The following DRC11 variants were observed in gnomAD, a reference collection of about 807,000 sequenced individuals.
DRC11 encodes IQ and AAA domain-containing protein 1.
At chr2:236,428,699 T>C in the DRC11 span, among the ~76,000 whole-genome samples, 2 of 152,240 alleles carry the variant, frequency 1.3e-5, no homozygotes, top group African/African-American at 4.8e-5. Context: ...AGCCATGCTA[T>C]GTCTTTTGAT....
the DRC11 span, among the ~76,000 whole-genome samples, chr2:236,312,295 T>C: frequency 2.6e-5 from 4 of 152,190 alleles, no homozygotes; most frequent in Non-Finnish European, 4.4e-5. Context: ...CAAGCCTCCA[T>C]TTTAGAATTG....
chr2:236,499,231 T>A, the DRC11 span, among the ~76,000 whole-genome samples: 2 of 152,272 alleles, frequency 1.3e-5, no homozygotes, highest in Middle Eastern at 3.4e-3. The surrounding 1 kb of genome is among the most constrained non-coding windows in gnomAD (Gnocchi z 4.7). Flanking sequence ...TACAAGTGAT[T>A]GGCGGCCTAA....
chr2:236,389,925 A>T, the DRC11 span, among the ~76,000 whole-genome samples: 1 of 152,172 alleles, frequency 6.6e-6, no homozygotes, highest in Admixed American at 6.6e-5. Flanking sequence ...ATCCTGGAGA[A>T]TGTTCCATGC....
chr2:236,451,416 T>C, the DRC11 span, among the ~76,000 whole-genome samples: 1 of 152,046 alleles, frequency 6.6e-6, no homozygotes, highest in East Asian at 1.9e-4. Flanking sequence ...AAAAAATACT[T>C]GGTTTTTCAT....
chr2:236,470,304 C>T, the DRC11 span, among the ~76,000 whole-genome samples: 1 of 152,182 alleles, frequency 6.6e-6, no homozygotes, highest in African/African-American at 2.4e-5. The surrounding 1 kb of genome is among the most constrained non-coding windows in gnomAD (Gnocchi z 5.1). Context: ...GGAGTGTGCT[C>T]TTCGTGGCGC....
At chr2:236,497,158 C>T in the DRC11 span, 1 of 1,600,310 alleles carries the variant, frequency 6.2e-7, no homozygotes, top group Non-Finnish European at 8.5e-7. This position sits in a 1 kb window ranked among gnomAD's most constrained non-coding sequence, Gnocchi z 5.1. Context: ...CAACAGAGTG[C>T]TTACGGGGGC....
the DRC11 span, among the ~76,000 whole-genome samples, chr2:236,318,419 G>C: frequency 6.6e-6 from 1 of 152,114 alleles, no homozygotes; most frequent in Non-Finnish European, 1.5e-5. The surrounding 1 kb of genome is among the most constrained non-coding windows in gnomAD (Gnocchi z 7.0). Context: ...GCATGCCTAC[G>C]TGTGCATGCC....
the DRC11 span, among the ~76,000 whole-genome samples, chr2:236,476,752 A>T: frequency 6.6e-6 from 1 of 151,598 alleles, no homozygotes; most frequent in Non-Finnish European, 1.5e-5. This position sits in a 1 kb window ranked among gnomAD's most constrained non-coding sequence, Gnocchi z 4.7. Context: ...ATTTTTTTTA[A>T]ATTGTAATTT....
the DRC11 span, among the ~76,000 whole-genome samples, chr2:236,425,346 G>C: frequency 6.6e-6 from 1 of 151,942 alleles, no homozygotes; most frequent in African/African-American, 2.4e-5. Flanking sequence ...TTTGATAACA[G>C]CCATCCTAAG....
the DRC11 span, among the ~76,000 whole-genome samples, chr2:236,455,704 G>T: frequency 1.3e-5 from 2 of 152,138 alleles, no homozygotes; most frequent in Non-Finnish European, 2.9e-5. The surrounding 1 kb of genome is among the most constrained non-coding windows in gnomAD (Gnocchi z 5.7). Flanking sequence ...AGCTGAACTC[G>T]CAGAACTGTA....
the DRC11 span, among the ~76,000 whole-genome samples, chr2:236,478,323 GTTGT>G: frequency 4.2e-3 from 645 of 152,244 alleles, 2 homozygotes; most frequent in South Asian, 9.5e-3. This position sits in a 1 kb window ranked among gnomAD's most constrained non-coding sequence, Gnocchi z 5.9. Context: ...TCAGGAGCAT[GTTGT>G]TTAATTTCCA....
the DRC11 span, among the ~76,000 whole-genome samples, chr2:236,449,051 G>T: frequency 1.3e-5 from 2 of 151,768 alleles, no homozygotes; most frequent in Non-Finnish European, 2.9e-5. The surrounding 1 kb of genome is among the most constrained non-coding windows in gnomAD (Gnocchi z 5.1). Context: ...GTAGAGATGG[G>T]GTTTCACCAT....
chr2:236,497,481 A>T, the DRC11 span: 1 of 1,601,812 alleles, frequency 6.2e-7, no homozygotes, highest in South Asian at 1.1e-5. The surrounding 1 kb of genome is among the most constrained non-coding windows in gnomAD (Gnocchi z 5.1). Flanking sequence ...ACATCTTATT[A>T]TACATTCTGG....
At chr2:236,399,567 G>T in the DRC11 span, 1 of 1,182,950 alleles carries the variant, frequency 8.5e-7, no homozygotes, top group Non-Finnish European at 1.3e-6. The surrounding 1 kb of genome is among the most constrained non-coding windows in gnomAD (Gnocchi z 7.0). Context: ...TAACCGTGAC[G>T]AGGGTCCATG....
chr2:236,491,849 T>C, the DRC11 span, among the ~76,000 whole-genome samples: 2 of 152,058 alleles, frequency 1.3e-5, no homozygotes, highest in Non-Finnish European at 2.9e-5. Context: ...GTTAAATGGG[T>C]GCTATGGTTT....
chr2:236,325,441 A>C, the DRC11 span, among the ~76,000 whole-genome samples: 84,224 of 151,926 alleles, frequency 0.55, 26,818 homozygotes, highest in African/African-American at 0.89. The surrounding 1 kb of genome is among the most constrained non-coding windows in gnomAD (Gnocchi z 4.4). Flanking sequence ...AATTTTTACA[A>C]ATCTCCTTGT....
chr2:236,450,238 T>A, the DRC11 span, among the ~76,000 whole-genome samples: 1 of 152,022 alleles, frequency 6.6e-6, no homozygotes, highest in Non-Finnish European at 1.5e-5. Flanking sequence ...ATATTTTTGT[T>A]TCTAGAGTTA....
chr2:236,440,810 C>A, the DRC11 span, among the ~76,000 whole-genome samples: 2 of 151,940 alleles, frequency 1.3e-5, no homozygotes, highest in Admixed American at 6.6e-5. Context: ...ACTAAGAAAA[C>A]GACCTTCACA....
chr2:236,450,985 T>C, the DRC11 span, among the ~76,000 whole-genome samples: 1 of 152,222 alleles, frequency 6.6e-6, no homozygotes, highest in Non-Finnish European at 1.5e-5. Flanking sequence ...CTAGAGCAGA[T>C]TTATCATCTT....
Sources: gnomAD v4.1 joint callset for allele counts (sites outside exome capture counted in the v4.1 genomes callset) on GRCh38, gnomAD v4.1.1 for gene constraint, Gnocchi (gnomAD v3.1) non-coding constraint, MANE v1.5 for transcripts, NCBI Gene and HGNC (gene_info 2026-07-23, HGNC 2026-07-21) for gene names.